Variants in KDM4C observed in about 807,000 individuals in gnomAD.
KDM4C encodes lysine demethylase 4C, also known as lysine-specific demethylase 4C.
In KDM4C, 81 loss-of-function variants were observed where a neutral mutation model predicts 129.3. The observed-to-expected ratio is 0.63, with a 90% CI of 0.52 to 0.75. The LOEUF is 0.75. Ranked by LOEUF, KDM4C falls within the 30% of genes least tolerant of loss-of-function variation. The pLI is 0.00. For synonymous variants in KDM4C, 573 were observed against 456.1 expected (o/e 1.26, Z -3.26); for missense variants, 1,457 against 1,304.0 (o/e 1.12, Z -1.81).
chr9:6,808,185 G>C (rs1490480337), intron 3 of KDM4C, among the ~76,000 whole-genome samples: 1 of 68,182 alleles, frequency 1.5e-5, no homozygotes, highest in Non-Finnish European at 2.7e-5. Flanking sequence ...CACCCCGTCT[G>C]GGAGGTGTGC....
chr9:7,089,236 G>C (rs543649667), intron 17 of KDM4C, among the ~76,000 whole-genome samples: 6 of 147,172 alleles, frequency 4.1e-5, no homozygotes, highest in Non-Finnish European at 9.0e-5. Flanking sequence ...ATCCTCACAG[G>C]TGTATTTTAT....
intron 8 of KDM4C, among the ~76,000 whole-genome samples, chr9:6,977,029 G>C (rs1483407618): frequency 6.6e-6 from 1 of 152,048 alleles, no homozygotes; most frequent in Non-Finnish European, 1.5e-5. Flanking sequence ...TGTATTTTTG[G>C]TAGAAACGGG....
chr9:7,158,978 G>A (rs902713754), intron 19 of KDM4C, among the ~76,000 whole-genome samples: 14 of 152,162 alleles, frequency 9.2e-5, no homozygotes, highest in African/African-American at 3.4e-4. Context: ...GGGAGTCTAA[G>A]TCTCTTTGTA....
chr9:7,100,120 G>A (rs1039529925), intron 17 of KDM4C, among the ~76,000 whole-genome samples: 1 of 152,092 alleles, frequency 6.6e-6, no homozygotes, highest in Non-Finnish European at 1.5e-5. Context: ...GGCCGGTTGT[G>A]GCGTGATGGC....
At chr9:6,742,220 TAGTC>T (rs1817724896) in intron 1 of KDM4C, among the ~76,000 whole-genome samples, 1 of 151,922 alleles carries the variant, frequency 6.6e-6, no homozygotes, top group Non-Finnish European at 1.5e-5. Context: ...TTCACCAAGT[TAGTC>T]AGGCTGGTCT....
At chr9:7,114,235 C>G (rs1013038239) in intron 18 of KDM4C, among the ~76,000 whole-genome samples, 2 of 152,130 alleles carry the variant, frequency 1.3e-5, no homozygotes, top group African/African-American at 2.4e-5. Context: ...TGTAAAATCT[C>G]TCTGCAGCTA....
In KDM4C at chr9:6,887,915, C is replaced by G. The variant is rs200129558; in HGVS notation, c.680-45C>G. ...CATTAAAAAACCTATTTGATATTTT[C>G]TCTTAATCGACACAGTGCCACTTAC... On this transcript the variant is annotated intron_variant, in intron 6 of 21. Coordinates refer to ENST00000381309, the MANE Select transcript of KDM4C (RefSeq NM_015061.6). 5 of 1,111,590 alleles carry G rather than the reference C, an allele frequency of 4.5e-6. No homozygotes were observed. In the African/African-American group the frequency reaches 6.1e-5, roughly 14 times the overall value. 68.9% of individuals were successfully genotyped at this position (1,111,590 alleles called of 1,614,324 possible).
chr9:6,721,008 C>A, intron 1 of KDM4C: 1 of 1,550,464 alleles, frequency 6.4e-7, no homozygotes. Flanking sequence ...GTGAGTGCTG[C>A]TCTGAACATA....
chr9:6,895,872 C>G (rs918825296), intron 8 of KDM4C, among the ~76,000 whole-genome samples: 1 of 152,150 alleles, frequency 6.6e-6, no homozygotes, highest in Non-Finnish European at 1.5e-5. Flanking sequence ...CATGTGCTTT[C>G]TTAATTTATA....
chr9:6,847,476 G>T (rs1429278457), intron 4 of KDM4C, among the ~76,000 whole-genome samples: 2 of 151,800 alleles, frequency 1.3e-5, no homozygotes, highest in Non-Finnish European at 2.9e-5. Flanking sequence ...TCGGCTCACT[G>T]CAAACACCTC....
chr9:7,089,397 G>C (rs1587569306), intron 17 of KDM4C, among the ~76,000 whole-genome samples: 1 of 152,174 alleles, frequency 6.6e-6, no homozygotes, highest in South Asian at 2.1e-4. Context: ...TATTGACTCA[G>C]TGGTATTTGT....
chr9:6,800,422 C>G (rs1482525552), intron 2 of KDM4C, among the ~76,000 whole-genome samples: 1 of 151,774 alleles, frequency 6.6e-6, no homozygotes, highest in Non-Finnish European at 1.5e-5. Context: ...GCCTGTAGTC[C>G]TAGCTGCTTG....
At chr9:6,898,570 C>CCT (rs1816840267) in intron 8 of KDM4C, among the ~76,000 whole-genome samples, 1 of 152,166 alleles carries the variant, frequency 6.6e-6, no homozygotes, top group Admixed American at 6.5e-5. Flanking sequence ...AGGAGTACTA[C>CCT]CTTACTATCT....
At chr9:6,988,642 G>A (rs1443290781) in intron 11 of KDM4C, among the ~76,000 whole-genome samples, 1 of 150,564 alleles carries the variant, frequency 6.6e-6, no homozygotes, top group Non-Finnish European at 1.5e-5. Flanking sequence ...TAAGTATTAT[G>A]TTATTTTTTA....
intron 19 of KDM4C, among the ~76,000 whole-genome samples, chr9:7,134,683 G>A (rs1050150808): frequency 3.3e-5 from 5 of 152,146 alleles, no homozygotes; most frequent in Non-Finnish European, 4.4e-5. Flanking sequence ...ACATAAGATC[G>A]ATAGATAAGT....
intron 15 of KDM4C, among the ~76,000 whole-genome samples, chr9:7,024,118 A>G (rs1825364400): frequency 6.6e-6 from 1 of 152,082 alleles, no homozygotes; most frequent in Non-Finnish European, 1.5e-5. Flanking sequence ...CTTCGTATGA[A>G]ATGTTCTGTA....
intron 2 of KDM4C, among the ~76,000 whole-genome samples, chr9:6,801,588 G>GTA (rs1320678192): frequency 6.6e-6 from 1 of 151,346 alleles, no homozygotes; most frequent in Non-Finnish European, 1.5e-5. Flanking sequence ...CAGGATAAGA[G>GTA]AATATATTTA....
At chr9:6,889,410 C>T (rs146074443) in intron 7 of KDM4C, among the ~76,000 whole-genome samples, 4 of 152,174 alleles carry the variant, frequency 2.6e-5, no homozygotes, top group Non-Finnish European at 4.4e-5. Context: ...CTGGTTTACT[C>T]GCACGTTTTT....
At chr9:6,822,965 G>A (rs1460938461) in intron 4 of KDM4C, among the ~76,000 whole-genome samples, 1 of 152,180 alleles carries the variant, frequency 6.6e-6, no homozygotes, top group African/African-American at 2.4e-5. Context: ...GGATCATCAG[G>A]TTTGTGTTCT....
Sources: gnomAD v4.1 joint callset for allele counts (sites outside exome capture counted in the v4.1 genomes callset) on GRCh38, gnomAD v4.1.1 for gene constraint, MANE v1.5 for transcripts, NCBI Gene and HGNC (gene_info 2026-07-23, HGNC 2026-07-21) for gene names.